CPD: variants seen among roughly 807,000 people sequenced by gnomAD.
CPD encodes metallocarboxypeptidase D.
Under a neutral mutation model 138.3 loss-of-function variants are expected in CPD, and 69 were observed. That is an observed-to-expected ratio of 0.50 (90% CI 0.41 to 0.61). CPD has a LOEUF of 0.61. Among genes scored for constraint, CPD ranks in the 20% least tolerant of loss-of-function variants. The pLI, the probability that CPD is intolerant of heterozygous loss-of-function variation, is 0.00. For missense variants in CPD, 1,432 were observed against 1,733.3 expected (o/e 0.83, Z 3.09); for synonymous variants, 651 against 642.1 (o/e 1.01, Z -0.21).
chr17:30,398,428 C>T (rs536029024), intron 2 of CPD, among the ~76,000 whole-genome samples: 3 of 152,236 alleles, frequency 2.0e-5, no homozygotes, highest in African/African-American at 4.8e-5. Context: ...TATTCTGAAA[C>T]CTGACATTTC....
Position 30,468,029 on chromosome 17 carries a change from G to C in CPD, c.*3215G>C, listed in dbSNP as rs980490886. ...TGGTAACTCTTTGGGTTTCTGATTT[G>C]TTTTAGCTAAAATTTTGGGGATATG... is the stretch of plus-strand genomic sequence containing the variant. On this transcript the variant is annotated 3_prime_UTR_variant, in exon 21 of 21. Coordinates refer to ENST00000225719, the MANE Select transcript of CPD (RefSeq NM_001304.5). 1 of 152,016 alleles carries C rather than the reference G, an allele frequency of 6.6e-6. No homozygotes were observed. Among genetic ancestry groups the C allele is most frequent in the African/African-American group, 2.4e-5 (1 of 41,422 alleles). 9.4% of individuals were successfully genotyped at this position (152,016 alleles called of 1,614,324 possible).
intron 2 of CPD, among the ~76,000 whole-genome samples, chr17:30,398,750 C>CA (rs1257876595): frequency 1.3e-5 from 2 of 151,734 alleles, no homozygotes; most frequent in Non-Finnish European, 2.9e-5. Flanking sequence ...TGACATCTCA[C>CA]AAAAAATTCT....
chr17:30,462,629 T>C (rs1325833177), intron 20 of CPD, among the ~76,000 whole-genome samples, 160 bp downstream of exon 20: 1 of 152,168 alleles, frequency 6.6e-6, no homozygotes, highest in African/African-American at 2.4e-5. Flanking sequence ...TTCTCGCATA[T>C]GTTCTCCTGG....
intron 1 of CPD, 126 bp from the exon 2 acceptor site, chr17:30,384,863 G>A: frequency 1.0e-6 from 1 of 969,020 alleles, no homozygotes; most frequent in Non-Finnish European, 1.6e-6. Context: ...ACAGCTGATA[G>A]AGTTGTTTTC....
chr17:30,380,192 T>C (rs1911003345), intron 1 of CPD: 1 of 167,256 alleles, frequency 6.0e-6, no homozygotes, highest in African/African-American at 2.4e-5. Context: ...CAGTTTTGCA[T>C]ACGGGGAAAT....
Position 30,439,030 on chromosome 17 carries a change from A to G in CPD, c.2183A>G (p.Tyr728Cys), listed in dbSNP as rs1448778530. 3 of 1,590,990 alleles carry G rather than the reference A, an allele frequency of 1.9e-6. No homozygotes were observed. In the South Asian group the frequency reaches 3.5e-5, roughly 19 times the overall value. The change falls in exon 9 of 21, where the codon TAT becomes TGT. Residue 728 changes from tyrosine to cysteine, a missense_variant. Physicochemically the swap from Tyr to Cys is radical, Grantham distance 194. Around this residue, in one of 6 missense-constraint regions of CPD, gnomAD observed 297 missense variants for 405.3 expected, o/e 0.73. Coordinates refer to ENST00000225719, the MANE Select transcript of CPD (RefSeq NM_001304.5). ...TGCAAGAATATGTATCCTAATGAATATTTTCCTCATGGAATAACAAATGGA... is the reference window on the plus strand; with the variant it reads ...TGCAAGAATATGTATCCTAATGAATGTTTTCCTCATGGAATAACAAATGGA... ...RPCKNMYPNE[Y>C]FPHGITNGAS...
At chr17:30,403,156 C>T (rs1911721119) in intron 2 of CPD, among the ~76,000 whole-genome samples, 1 of 152,162 alleles carries the variant, frequency 6.6e-6, no homozygotes, top group Non-Finnish European at 1.5e-5. Context: ...TTTGTGCCAT[C>T]AGGGAATGAC....
intron 10 of CPD, among the ~76,000 whole-genome samples, chr17:30,442,829 G>A (rs1377191906): frequency 6.6e-6 from 1 of 152,044 alleles, no homozygotes; most frequent in Non-Finnish European, 1.5e-5. Context: ...TCTTTTTCTT[G>A]TTGCCAGTGA....
At chr17:30,398,565 C>T (rs971717374) in intron 2 of CPD, among the ~76,000 whole-genome samples, 2 of 151,952 alleles carry the variant, frequency 1.3e-5, no homozygotes, top group African/African-American at 4.8e-5. Context: ...TGGCTGCTCC[C>T]TGTTTGGGTG....
At chr17:30,417,755 C>G (rs1410471426) in intron 2 of CPD, among the ~76,000 whole-genome samples, 1 of 152,200 alleles carries the variant, frequency 6.6e-6, no homozygotes, top group Non-Finnish European at 1.5e-5. Flanking sequence ...TCCCCCACGC[C>G]TTTCCAGACC....
At chr17:30,381,570 T>C (rs1911047821) in intron 1 of CPD, among the ~76,000 whole-genome samples, 1 of 152,180 alleles carries the variant, frequency 6.6e-6, no homozygotes, top group Non-Finnish European at 1.5e-5. Flanking sequence ...CCATCCTAAC[T>C]CAGTCTTCAA....
chr17:30,456,870 G>C (rs1290076703), intron 17 of CPD: 1 of 155,582 alleles, frequency 6.4e-6, no homozygotes, highest in Admixed American at 7.1e-5. Flanking sequence ...AAAAAAAAAA[G>C]AATGGAGTTT....
Position 30,460,182 on chromosome 17 carries a change from C to G in CPD, c.3499-998C>G, listed in dbSNP as rs147388940. Among the ~76,000 whole-genome samples, 18 of 152,180 alleles carry G rather than the reference C, an allele frequency of 1.2e-4. No individual in the cohort carries two copies. The East Asian group carries it at 3.5e-3, about 29-fold the overall frequency. On this transcript the variant is annotated intron_variant, in intron 17 of 20. Coordinates refer to ENST00000225719, the MANE Select transcript of CPD (RefSeq NM_001304.5). ...GCAGAGATAGTGAAGCAGAACATTC[C>G]AGAAAGAGGAAGCAGTACATAGCAG... is the stretch of plus-strand genomic sequence containing the variant.
intron 8 of CPD, among the ~76,000 whole-genome samples, chr17:30,433,707 C>T (rs1381177058): frequency 6.6e-6 from 1 of 152,192 alleles, no homozygotes; most frequent in Non-Finnish European, 1.5e-5. Flanking sequence ...TGGCTCAGTT[C>T]CCACTATGGT....
chr17:30,436,784 G>A (rs1912715250), intron 8 of CPD, among the ~76,000 whole-genome samples: 1 of 152,090 alleles, frequency 6.6e-6, no homozygotes, highest in Non-Finnish European at 1.5e-5. Flanking sequence ...CAAGAGAAAT[G>A]GAAACATGTA....
chr17:30,423,522 G>A lies in CPD; in HGVS notation c.1674G>A (p.Lys558=). The change falls in exon 6 of 21, where the codon AAG becomes AAA. Residue 558 remains lysine (K), a synonymous_variant. Transcript: ENST00000225719. The part of the protein sequence containing the change: ...GVHEPGEPEF[K]YIGNMHGNEV... ...TGTTTTCAGGTGAACCAGAATTTAA[G>A]TACATTGGAAATATGCATGGAAATG... 6.4e-7 allele frequency: 1 copy of A among 1,570,314 alleles called. No homozygotes were observed. Among genetic ancestry groups the A allele is most frequent in the South Asian group, 1.2e-5 (1 of 83,568 alleles).
intron 8 of CPD, among the ~76,000 whole-genome samples, chr17:30,433,724 G>A (rs1912626499): frequency 6.6e-6 from 1 of 152,166 alleles, no homozygotes; most frequent in Non-Finnish European, 1.5e-5. Context: ...TGGTGATTCA[G>A]AGCCTTTATC....
intron 20 of CPD, among the ~76,000 whole-genome samples, chr17:30,463,148 G>A (rs1913537599): frequency 1.3e-5 from 2 of 152,098 alleles, no homozygotes; most frequent in South Asian, 4.1e-4. Context: ...TATTTTGGGG[G>A]GCCTGTTCCC....
At chr17:30,407,656 T>C (rs553518153) in intron 2 of CPD, among the ~76,000 whole-genome samples, 68 of 152,316 alleles carry the variant, frequency 4.5e-4, no homozygotes, top group African/African-American at 1.6e-3. Context: ...CACTTTTTGA[T>C]GGGGTTGTTT....
Sources: gnomAD v4.1 joint callset for allele counts (sites outside exome capture counted in the v4.1 genomes callset) on GRCh38, gnomAD v4.1.1 for gene constraint, gnomAD v4.1.1 regional missense constraint, MANE v1.5 for transcripts, NCBI Gene and HGNC (gene_info 2026-07-23, HGNC 2026-07-21) for gene names.